Variants in NAV2 observed in about 807,000 individuals in gnomAD.
NAV2 encodes the protein neuron navigator 2.
A neutral mutation model predicts 223.2 loss-of-function variants in NAV2; 54 were observed. That is an observed-to-expected ratio of 0.24 (90% CI 0.19 to 0.30). The LOEUF (loss-of-function observed/expected upper bound fraction) is 0.30. Among genes scored for constraint, NAV2 ranks in the 10% least tolerant of loss-of-function variants. The pLI is 1.00. For synonymous variants in NAV2, 1,279 were observed against 1,239.3 expected (o/e 1.03, Z -0.67); for missense variants, 2,806 against 3,147.5 (o/e 0.89, Z 2.60).
chr11:19,527,937 G>GACACAC lies in NAV2; in HGVS notation c.75+176940_75+176945dup, dbSNP rs67561376. 6.6e-3 allele frequency among the ~76,000 whole-genome samples: 945 copies of GACACAC among 143,274 alleles called. 6 individuals carry two copies. Among genetic ancestry groups the GACACAC allele is most frequent in the Middle Eastern group, 0.011 (3 of 280 alleles). 94.0% of individuals were successfully genotyped at this position (143,274 alleles called of 152,430 possible). ...TCACAAGGAGATAGCTCCCTGCCCT[G>GACACAC]ACACACACACACACACACACACACA... On this transcript the variant is annotated intron_variant, in intron 1 of 37. Transcript: ENST00000360655.
At position 19,581,702 on chromosome 11, in the gene NAV2, T is replaced by G. The variant is rs542594138; in HGVS notation, c.75+230675T>G. Among the ~76,000 whole-genome samples, 10 of 152,356 alleles carry G rather than the reference T, an allele frequency of 6.6e-5. No individual in the cohort carries two copies. The East Asian group carries it at 1.5e-3, about 23-fold the overall frequency. ...CCTACAAAGGACATGAACTCATCCTTTTTTATGGCTGCATAGTATTCCATG... is the reference window on the plus strand; with the variant it reads ...CCTACAAAGGACATGAACTCATCCTGTTTTATGGCTGCATAGTATTCCATG... On this transcript the variant is annotated intron_variant, in intron 1 of 37. Transcript: ENST00000360655.
intron 1 of NAV2, among the ~76,000 whole-genome samples, chr11:19,619,906 A>G (rs1433889856): frequency 6.6e-6 from 1 of 152,222 alleles, no homozygotes; most frequent in Non-Finnish European, 1.5e-5. Context: ...CTAACATGTA[A>G]GTCTTTAATC....
Position 19,642,079 on chromosome 11 carries a change from G to A in NAV2, c.76-190405G>A, listed in dbSNP as rs1043740112. Among the ~76,000 whole-genome samples, 24 of 152,130 alleles carry A rather than the reference G, an allele frequency of 1.6e-4. 1 individual carries two copies. The highest frequency in any genetic ancestry group is 1.4e-3 in the Admixed American group (21 of 15,266). Reference sequence around the variant, plus strand: ...ATGACGGGCTGCTCTGTTTGTTGCCGAGATGGAAAGTTGAAAGCCTTAGAT... The same window carrying A: ...ATGACGGGCTGCTCTGTTTGTTGCCAAGATGGAAAGTTGAAAGCCTTAGAT... On this transcript the variant is annotated intron_variant, in intron 1 of 37. Coordinates refer to the NAV2 transcript ENST00000360655.
intron 1 of NAV2, among the ~76,000 whole-genome samples, chr11:19,617,684 G>A (rs1038154019): frequency 1.3e-5 from 2 of 152,196 alleles, no homozygotes; most frequent in African/African-American, 4.8e-5. Flanking sequence ...GCCTCCCTGA[G>A]GAGACAGTTT....
chr11:19,892,643 A>G, intron 6 of NAV2, 49 bp downstream of exon 6: 1 of 1,592,150 alleles, frequency 6.3e-7, no homozygotes, highest in Non-Finnish European at 8.6e-7. Flanking sequence ...TTCAGAGCAC[A>G]TCTACCTAGT....
At chr11:19,409,590 A>G (rs902272589) in intron 1 of NAV2, among the ~76,000 whole-genome samples, 3 of 152,214 alleles carry the variant, frequency 2.0e-5, no homozygotes, top group African/African-American at 7.2e-5. Flanking sequence ...TGTCAGCAGA[A>G]GGACTCCAAG....
At chr11:19,411,391 C>T (rs181022322) in intron 1 of NAV2, among the ~76,000 whole-genome samples, 27 of 152,288 alleles carry the variant, frequency 1.8e-4, no homozygotes, top group Admixed American at 1.5e-3. Flanking sequence ...TTCTCACATG[C>T]GTTTAGGTGC....
intron 1 of NAV2, among the ~76,000 whole-genome samples, chr11:19,476,715 C>T (rs950226470): frequency 6.6e-6 from 1 of 152,212 alleles, no homozygotes; most frequent in African/African-American, 2.4e-5. Context: ...ATCTGTTTCC[C>T]AAATGAATTT....
intron 1 of NAV2, among the ~76,000 whole-genome samples, chr11:19,625,333 A>G (rs181754642): frequency 2.9e-4 from 44 of 152,286 alleles, no homozygotes; most frequent in African/African-American, 1.0e-3. Context: ...AGCTTGTTTC[A>G]CTTGACATAC....
chr11:19,644,480 C>T (rs572894401), intron 1 of NAV2, among the ~76,000 whole-genome samples: 106 of 152,322 alleles, frequency 7.0e-4, no homozygotes, highest in African/African-American at 2.4e-3. Flanking sequence ...GGCCTTTTGA[C>T]TGAAGCTAAA....
chr11:20,046,391 C>T (rs1204760569), intron 14 of NAV2, among the ~76,000 whole-genome samples: 3 of 151,582 alleles, frequency 2.0e-5, no homozygotes, highest in Non-Finnish European at 4.4e-5. Context: ...GGTCTTGATA[C>T]ACCCTTGGAC....
chr11:19,368,999 T>C (rs1271007801), intron 1 of NAV2, among the ~76,000 whole-genome samples: 1 of 152,188 alleles, frequency 6.6e-6, no homozygotes, highest in African/African-American at 2.4e-5. Context: ...TCTTTGAGCA[T>C]GGAATGACTT....
chr11:19,776,292 G>T (rs2056149195), intron 1 of NAV2, among the ~76,000 whole-genome samples: 1 of 152,204 alleles, frequency 6.6e-6, no homozygotes, highest in Non-Finnish European at 1.5e-5. Flanking sequence ...TGCCAGATGA[G>T]AGGATGCTGG....
At chr11:19,558,565 G>T (rs535722693) in intron 1 of NAV2, among the ~76,000 whole-genome samples, 3 of 152,356 alleles carry the variant, frequency 2.0e-5, no homozygotes, top group Non-Finnish European at 2.9e-5. Context: ...CAGCGGACTG[G>T]ACAGTCAAAC....
intron 1 of NAV2, among the ~76,000 whole-genome samples, chr11:19,831,059 C>G (rs905485410): frequency 6.6e-6 from 1 of 151,930 alleles, no homozygotes; most frequent in Non-Finnish European, 1.5e-5. Flanking sequence ...ACAGGTGCTA[C>G]AGCTCTCATC....
intron 1 of NAV2, among the ~76,000 whole-genome samples, chr11:19,438,754 A>G (rs1488669508): frequency 6.6e-6 from 1 of 152,218 alleles, no homozygotes; most frequent in African/African-American, 2.4e-5. Flanking sequence ...GGAGAGTTGC[A>G]TAAGATGAGG....
chr11:19,938,478 A>G (rs2585768), intron 7 of NAV2, among the ~76,000 whole-genome samples: 144,673 of 152,304 alleles, frequency 0.95, 69,216 homozygotes, highest in East Asian at 1. Flanking sequence ...GTCCTTTCCA[A>G]GCTTTATTGT....
intron 1 of NAV2, among the ~76,000 whole-genome samples, chr11:19,722,181 T>A (rs966180234): frequency 6.6e-6 from 1 of 152,254 alleles, no homozygotes; most frequent in Non-Finnish European, 1.5e-5. Context: ...GCTTAATTCC[T>A]TGTTCTTTCA....
chr11:19,741,242 C>T (rs2052767776), intron 1 of NAV2, among the ~76,000 whole-genome samples: 1 of 152,272 alleles, frequency 6.6e-6, no homozygotes, highest in South Asian at 2.1e-4. Context: ...TGTCCATCAT[C>T]TCATATAAGT....
Sources: allele counts gnomAD v4.1 joint callset (sites outside exome capture counted in the v4.1 genomes callset), GRCh38; gene constraint gnomAD v4.1.1; transcripts MANE v1.5; gene names NCBI Gene and HGNC (gene_info 2026-07-23, HGNC 2026-07-21).